FOXN1: variants seen among roughly 807,000 people sequenced by gnomAD.
The protein encoded by FOXN1 is forkhead box N1, also known as forkhead box protein N1.
A neutral mutation model predicts 49.0 loss-of-function variants in FOXN1; 15 were observed. The observed-to-expected ratio is 0.31, with a 90% CI of 0.20 to 0.47. The LOEUF is 0.47. Among genes scored for constraint, FOXN1 ranks in the 20% least tolerant of loss-of-function variants. The probability of loss-of-function intolerance (pLI) is 1.00; values close to 1 mark genes in which losing one functional copy is unlikely to be tolerated. For synonymous variants in FOXN1, 356 were observed against 369.0 expected (o/e 0.96, Z 0.40); for missense variants, 800 against 842.8 (o/e 0.95, Z 0.63).
At chr17:28,522,834 T>C (rs1171524738) in intron 1 of FOXN1, among the ~76,000 whole-genome samples, 5 of 146,318 alleles carry the variant, frequency 3.4e-5, no homozygotes, top group Non-Finnish European at 7.5e-5. Context: ...AGAGACTCCA[T>C]CTCAAAAAAA....
chr17:28,512,320 G>A (rs1555607137), intron 1 of FOXN1, among the ~76,000 whole-genome samples: 2 of 152,196 alleles, frequency 1.3e-5, no homozygotes, highest in African/African-American at 4.8e-5. Flanking sequence ...TCAGATCACT[G>A]CTTTCTGAAC....
At position 28,523,988 on chromosome 17, in the gene FOXN1, CCG is replaced by C; in HGVS notation, c.21_22del (p.Gln8ValfsTer2). The C allele has an allele frequency of 6.2e-7, 1 of 1,613,256 alleles. No homozygotes were observed. Among genetic ancestry groups the C allele is most frequent in the Non-Finnish European group, 8.5e-7 (1 of 1,179,962 alleles). MVSLPP[P>X]QSDVTLPGPT... Reference sequence around the variant, plus strand: ...CTGGGTGATGGTGTCGCTACCCCCGCCGCAGTCTGACGTCACGCTGCCGGGCC... The same window carrying C: ...CTGGGTGATGGTGTCGCTACCCCCGCCAGTCTGACGTCACGCTGCCGGGCC... On this transcript the variant is annotated frameshift_variant, in exon 2 of 9. Transcript: ENST00000579795. LOFTEE classifies it high-confidence loss of function.
At position 28,537,297 on chromosome 17, in the gene FOXN1, G is replaced by A; in HGVS notation, c.1808G>A (p.Gly603Asp). The A allele has an allele frequency of 3.7e-6, 6 of 1,613,882 alleles. No individual in the cohort carries two copies. The highest frequency in any genetic ancestry group is 5.1e-6 in the Non-Finnish European group (6 of 1,179,922). ...GAGDLAAPGS[G>D]GSGALGDLHL... ...GGTGACTTGGCAGCCCCGGGCAGTG[G>A]TGGCTCCGGGGCACTGGGTGACCTG... The change falls in exon 9 of 9, where the codon GGT becomes GAT. Residue 603 changes from glycine to aspartate, a missense_variant. By Grantham distance (94) the Gly-to-Asp change is moderately conservative (BLOSUM62 -1). Transcript: ENST00000579795.
intron 8 of FOXN1, among the ~76,000 whole-genome samples, chr17:28,536,138 C>T (rs143580140): frequency 6.6e-6 from 1 of 152,084 alleles, no homozygotes; most frequent in Non-Finnish European, 1.5e-5. Flanking sequence ...GGGTGGGGGA[C>T]ATTCACAAGC....
At chr17:28,527,164 G>A in intron 3 of FOXN1, 87 bp from the exon 4 acceptor site, 1 of 821,862 alleles carries the variant, frequency 1.2e-6, no homozygotes, top group Non-Finnish European at 2.1e-6. Context: ...GCAGAATAGG[G>A]GTTGCTTTTA....
At chr17:28,531,551 G>A (rs2069915589) in intron 6 of FOXN1, among the ~76,000 whole-genome samples, 1 of 152,176 alleles carries the variant, frequency 6.6e-6, no homozygotes. Flanking sequence ...AGGTCGCACA[G>A]TAGATGGGAT....
Position 28,535,101 on chromosome 17 carries a change from C to T in FOXN1, c.1530C>T (p.Ser510=). 6.2e-7 allele frequency: 1 copy of T among 1,607,332 alleles called. No individual in the cohort carries two copies. ...GTGCCAAGCTACTGGCCGAGCCTTC[C>T]CCAGCCAGGACTATGCACGACACCC... ...SHSAKLLAEP[S]PARTMHDTLL... Residue 510 remains serine (S), a synonymous_variant, in exon 8 of 9, where the codon TCC becomes TCT. Transcript: ENST00000579795.
intron 8 of FOXN1, among the ~76,000 whole-genome samples, chr17:28,535,483 C>T (rs1048263117): frequency 5.9e-5 from 9 of 152,238 alleles, no homozygotes. Flanking sequence ...GGCACAGTGG[C>T]TCACGCCTGT....
At chr17:28,507,932 ACGG>A (rs1402682004) in intron 1 of FOXN1, among the ~76,000 whole-genome samples, 4 of 152,150 alleles carry the variant, frequency 2.6e-5, no homozygotes, top group African/African-American at 9.7e-5. Flanking sequence ...AGAGGGGCAG[ACGG>A]GGTGAGGGCT....
At chr17:28,520,752 G>A (rs941558090) in intron 1 of FOXN1, among the ~76,000 whole-genome samples, 2 of 152,204 alleles carry the variant, frequency 1.3e-5, no homozygotes, top group African/African-American at 2.4e-5. Flanking sequence ...CCGACACTGC[G>A]GGGATCATTC....
At chr17:28,527,417 G>A (rs771311912) in intron 4 of FOXN1, 56 bp downstream of exon 4, 3 of 980,032 alleles carry the variant, frequency 3.1e-6, no homozygotes, top group Non-Finnish European at 4.9e-6. Context: ...TCGTGTGTGT[G>A]TATGTGGTGT....
rs1342979166 is a variant in FOXN1 at position 28,537,218 on chromosome 17, C to T, written c.1729C>T (p.Pro577Ser). Residue 577 changes from proline to serine, a missense_variant, in exon 9 of 9, where the codon CCA becomes TCA. This residue lies in a region of FOXN1 where 344 missense variants were observed against 366.1 expected (regional missense o/e 0.94). Coordinates refer to ENST00000579795, the MANE Select transcript of FOXN1 (RefSeq NM_001369369.1). ...ATCTTCGATGCCACCACCCCAGCCA[C>T]CACCTCACTGCTTCCCCCCTGGGCC... is the stretch of plus-strand genomic sequence containing the variant. ...TSSSMPPPQPPPHCFPPGPCL... is the reference protein window; with the variant it reads ...TSSSMPPPQPSPHCFPPGPCL... 6.2e-7 allele frequency: 1 copy of T among 1,613,986 alleles called. No homozygotes were observed. Among genetic ancestry groups the T allele is most frequent in the Non-Finnish European group, 8.5e-7 (1 of 1,179,832 alleles).
intron 1 of FOXN1, among the ~76,000 whole-genome samples, chr17:28,512,442 GTCAGGCCAGTTCTCACCATCAGAC>G (rs2069413315): frequency 6.6e-6 from 1 of 152,146 alleles, no homozygotes; most frequent in Admixed American, 6.5e-5. Context: ...CAAGTCCTAG[GTCAGGCCAGTTCTCACCATCAGAC>G]TCAGCCATGG....
In FOXN1 at chr17:28,534,626, G is replaced by T. The variant is rs1454736723; in HGVS notation, c.1136-81G>T. 3 of 1,604,326 alleles carry T rather than the reference G, an allele frequency of 1.9e-6. No individual in the cohort carries two copies. Among genetic ancestry groups the T allele is most frequent in the Non-Finnish European group, 2.6e-6 (3 of 1,175,364 alleles). ...AGAGAGAATCAGAGAATGAGGCAAGGCCCCGAGTAAGGGTTCCAGTCTGGG... is the reference window on the plus strand; with the variant it reads ...AGAGAGAATCAGAGAATGAGGCAAGTCCCCGAGTAAGGGTTCCAGTCTGGG... On this transcript the variant is annotated intron_variant, in intron 7 of 8. Transcript: ENST00000579795. The surrounding 1 kb of genome is among the most constrained non-coding windows in gnomAD (Gnocchi z 4.1).
At chr17:28,531,738 C>A (rs528610999) in intron 6 of FOXN1, among the ~76,000 whole-genome samples, 17 of 152,310 alleles carry the variant, frequency 1.1e-4, no homozygotes, top group South Asian at 2.1e-4. Context: ...AGGCAGTGGG[C>A]AGTTGCTGAG....
At position 28,534,563 on chromosome 17, in the gene FOXN1, G is replaced by A; in HGVS notation, c.1135+25G>A. On this transcript the variant is annotated intron_variant, in intron 7 of 8. Coordinates refer to ENST00000579795, the MANE Select transcript of FOXN1 (RefSeq NM_001369369.1). This position sits in a 1 kb window ranked among gnomAD's most constrained non-coding sequence, Gnocchi z 4.1. ...GGTGAGGCCGGCCGGGCCACGCAAG[G>A]AAGGGCCCAGGGTACTCATGAGCCA... The A allele has an allele frequency of 6.2e-7, 1 of 1,610,080 alleles. No homozygotes were observed. The highest frequency in any genetic ancestry group is 8.5e-7 in the Non-Finnish European group (1 of 1,178,982).
intron 8 of FOXN1, among the ~76,000 whole-genome samples, chr17:28,535,793 G>A (rs2070048885): frequency 6.6e-6 from 1 of 152,174 alleles, no homozygotes; most frequent in African/African-American, 2.4e-5. Flanking sequence ...GACTGCAAAG[G>A]GCTCCGTGTT....
At chr17:28,529,310 A>G in intron 5 of FOXN1, 86 bp downstream of exon 5, 8 of 1,515,350 alleles carry the variant, frequency 5.3e-6, no homozygotes, top group Middle Eastern at 1.7e-4. Context: ...CTCTGGGTCT[A>G]CCAGTAATGG....
At chr17:28,530,889 G>T in intron 6 of FOXN1, 44 bp downstream of exon 6, 1 of 1,089,868 alleles carries the variant, frequency 9.2e-7, no homozygotes, top group African/African-American at 1.5e-5. Context: ...CCAAGTCCTG[G>T]ACAGGCCAGG....
Sources: allele counts gnomAD v4.1 joint callset (sites outside exome capture counted in the v4.1 genomes callset), GRCh38; gene constraint gnomAD v4.1.1; regional missense constraint gnomAD v4.1.1; non-coding constraint Gnocchi (gnomAD v3.1); transcripts MANE v1.5; gene names NCBI Gene and HGNC (gene_info 2026-07-23, HGNC 2026-07-21).